The following ZBTB2 variants were observed in gnomAD, a reference collection of about 807,000 sequenced individuals.
ZBTB2 encodes the protein zinc finger and BTB domain containing 2.
Under a neutral mutation model 39.5 loss-of-function variants are expected in ZBTB2, and 2 were observed. The ratio of observed to expected loss-of-function variants is 0.05; its 90% CI spans 0.02 to 0.16. ZBTB2 has a LOEUF of 0.16. Ranked by LOEUF, ZBTB2 falls within the 10% of genes least tolerant of loss-of-function variation. The pLI, the probability that ZBTB2 is intolerant of heterozygous loss-of-function variation, is 1.00. For synonymous variants in ZBTB2, 251 were observed against 256.6 expected (o/e 0.98, Z 0.21); for missense variants, 391 against 653.0 (o/e 0.60, Z 4.37).
intron 2 of ZBTB2, among the ~76,000 whole-genome samples, chr6:151,367,194 C>T (rs984787567): frequency 2.0e-5 from 3 of 151,724 alleles, no homozygotes; most frequent in Non-Finnish European, 4.4e-5. Flanking sequence ...AATCTCGGCT[C>T]ACTGCAAGCT....
chr6:151,381,108 A>G (rs1349034125), intron 1 of ZBTB2, among the ~76,000 whole-genome samples: 1 of 151,864 alleles, frequency 6.6e-6, no homozygotes, highest in Non-Finnish European at 1.5e-5. Flanking sequence ...CTCCTGCCAC[A>G]CCTTTAGCCT....
At chr6:151,390,423 G>T (rs1200655271) in intron 1 of ZBTB2, among the ~76,000 whole-genome samples, 2 of 150,046 alleles carry the variant, frequency 1.3e-5, no homozygotes, top group Admixed American at 1.3e-4. Context: ...CACGCTCGCC[G>T]CTTCCCTCAG....
chr6:151,383,780 CAT>C (rs1779093445), intron 1 of ZBTB2, among the ~76,000 whole-genome samples: 1 of 152,136 alleles, frequency 6.6e-6, no homozygotes, highest in African/African-American at 2.4e-5. Flanking sequence ...CACACACACA[CAT>C]ACCCCTGCCC....
chr6:151,375,303 T>C (rs1208469508), intron 1 of ZBTB2, among the ~76,000 whole-genome samples: 4 of 152,142 alleles, frequency 2.6e-5, no homozygotes, highest in Admixed American at 6.5e-5. Flanking sequence ...GGTGTAAATC[T>C]AACAAAACAT....
intron 1 of ZBTB2, among the ~76,000 whole-genome samples, chr6:151,384,182 A>G (rs1779101899): frequency 6.6e-6 from 1 of 152,232 alleles, no homozygotes; most frequent in African/African-American, 2.4e-5. Context: ...ATAGTGCTTT[A>G]TAATTCACAA....
At chr6:151,371,950 A>G (rs568504429) in intron 2 of ZBTB2, among the ~76,000 whole-genome samples, 4 of 152,354 alleles carry the variant, frequency 2.6e-5, no homozygotes, top group African/African-American at 9.6e-5. Flanking sequence ...GGCCTAATTC[A>G]GTACATCCTC....
At chr6:151,389,769 T>C (rs939999358) in intron 1 of ZBTB2, among the ~76,000 whole-genome samples, 1 of 151,746 alleles carries the variant, frequency 6.6e-6, no homozygotes, top group African/African-American at 2.4e-5. Flanking sequence ...CGTATTCGGG[T>C]GGAAGTTCCT....
At chr6:151,388,667 A>G (rs1361757476) in intron 1 of ZBTB2, among the ~76,000 whole-genome samples, 1 of 152,204 alleles carries the variant, frequency 6.6e-6, no homozygotes, top group Non-Finnish European at 1.5e-5. Flanking sequence ...TTCCCTGGCC[A>G]TGAACACATT....
intron 1 of ZBTB2, among the ~76,000 whole-genome samples, chr6:151,390,338 C>CGGCCCCGCCCCCTCCCT (rs1343436258): frequency 4.8e-4 from 58 of 121,092 alleles, no homozygotes; most frequent in Non-Finnish European, 8.6e-4. Flanking sequence ...CCGGTCTCGC[C>CGGCCCCGCCCCCTCCCT]GGCCCCGCCC....
chr6:151,365,622 G>T lies in ZBTB2; in HGVS notation c.1444C>A (p.Arg482=). ...NSDVFALDEG[R]SILLGSGDSE... is the part of the protein sequence containing the mutation. ...TCCCCACTGCCCAGGAGAATGGATCGCCCTTCGTCTAGGGCAAAAACATCC... is the reference window on the plus strand; with the variant it reads ...TCCCCACTGCCCAGGAGAATGGATCTCCCTTCGTCTAGGGCAAAAACATCC... Residue 482 remains arginine, a synonymous_variant, in exon 3 of 3, where the codon CGA becomes AGA. Transcript: ENST00000325144. The surrounding 1 kb of genome is among the most constrained non-coding windows in gnomAD (Gnocchi z 5.6). The T allele has an allele frequency of 1.2e-6, 2 of 1,614,200 alleles. No individual in the cohort carries two copies. The highest frequency in any genetic ancestry group is 1.1e-5 in the South Asian group (1 of 91,080).
At chr6:151,389,894 T>A (rs1355536267) in intron 1 of ZBTB2, among the ~76,000 whole-genome samples, 3 of 152,110 alleles carry the variant, frequency 2.0e-5, no homozygotes, top group Non-Finnish European at 4.4e-5. Context: ...CCCAGCTTCC[T>A]TTGCAGCTTC....
At chr6:151,368,793 TTGCTCTGCTGCCCAGGCTGGAG>T (rs1778712135) in intron 2 of ZBTB2, among the ~76,000 whole-genome samples, 1 of 148,982 alleles carries the variant, frequency 6.7e-6, no homozygotes, top group Non-Finnish European at 1.5e-5. Context: ...AGACGAAGTC[TTGCTCTGCTGCCCAGGCTGGAG>T]TGCAGTGGCA....
Position 151,365,410 on chromosome 6 carries a change from G to C in ZBTB2, c.*111C>G. The C allele has an allele frequency of 7.8e-7, 1 of 1,284,172 alleles. No homozygotes were observed. Among genetic ancestry groups the C allele is most frequent in the Non-Finnish European group, 1.1e-6 (1 of 929,082 alleles). 79.5% of individuals were successfully genotyped at this position (1,284,172 alleles called of 1,614,324 possible). ...TGTGGAAAAGGGGAAGAGGAGAAGA[G>C]AACAAGGACCTGTTTGTATCATGCC... On this transcript the variant is annotated 3_prime_UTR_variant, in exon 3 of 3. Coordinates refer to ENST00000325144, the MANE Select transcript of ZBTB2 (RefSeq NM_020861.3). This position sits in a 1 kb window ranked among gnomAD's most constrained non-coding sequence, Gnocchi z 5.6.
rs1184502571 is a variant in ZBTB2, at chr6:151,366,343, T to A, written c.723A>T (p.Pro241=). 6.2e-7 allele frequency: 1 copy of A among 1,614,102 alleles called. No homozygotes were observed. The highest frequency in any genetic ancestry group is 1.1e-5 in the South Asian group (1 of 91,076). ...PASLTIAHVK[P]SIMKRNGSFP... ...AGCTCCCATTCCTCTTCATGATGCTTGGCTTGACGTGGGCTATTGTGAGGG... is the reference window on the plus strand; with the variant it reads ...AGCTCCCATTCCTCTTCATGATGCTAGGCTTGACGTGGGCTATTGTGAGGG... The change falls in exon 3 of 3, where the codon CCA becomes CCT. Residue 241 remains proline, a synonymous_variant. Coordinates refer to ENST00000325144, the MANE Select transcript of ZBTB2 (RefSeq NM_020861.3). The surrounding 1 kb of genome is among the most constrained non-coding windows in gnomAD (Gnocchi z 7.1).
chr6:151,390,361 C>T (rs901289626), intron 1 of ZBTB2, among the ~76,000 whole-genome samples: 1 of 149,896 alleles, frequency 6.7e-6, no homozygotes, highest in African/African-American at 2.4e-5. Flanking sequence ...TCCCTGTCCC[C>T]GTCCCCGAGG....
chr6:151,376,994 A>G (rs1391844888), intron 1 of ZBTB2, among the ~76,000 whole-genome samples: 3 of 152,216 alleles, frequency 2.0e-5, no homozygotes, highest in Non-Finnish European at 4.4e-5. Context: ...CACACAGAGG[A>G]AAACTACTCA....
rs1397840079 is a variant in ZBTB2, at chr6:151,368,451, TTTG to T, written c.174-1562_174-1560del. On this transcript the variant is annotated intron_variant, in intron 2 of 2. Transcript: ENST00000325144. ...GGTGTGAGCCACCGCGCCTGGCAAC[TTTG>T]TTGTTTTTTGTTTTGTTTTGAGACA... Among the ~76,000 whole-genome samples the T allele has an allele frequency of 7.3e-5, 11 of 150,020 alleles. No homozygotes were observed. In the Middle Eastern group the frequency reaches 0.01, roughly 142 times the overall value.
At position 151,365,866 on chromosome 6, in the gene ZBTB2, G is replaced by A; in HGVS notation, c.1200C>T (p.Cys400=). The part of the protein sequence containing the change: ...FKCSTCDKSF[C]RANQAARHVC... ...CGTGGCGGGCAGCCTGGTTGGCCCTGCAAAAGCTTTTGTCACAAGTGCTGC... is the reference window on the plus strand; with the variant it reads ...CGTGGCGGGCAGCCTGGTTGGCCCTACAAAAGCTTTTGTCACAAGTGCTGC... The change falls in exon 3 of 3, where the codon TGC becomes TGT. Residue 400 remains cysteine, a synonymous_variant. Transcript: ENST00000325144. This position sits in a 1 kb window ranked among gnomAD's most constrained non-coding sequence, Gnocchi z 5.6. The A allele has an allele frequency of 6.2e-7, 1 of 1,614,218 alleles. No individual in the cohort carries two copies. Among genetic ancestry groups the A allele is most frequent in the Non-Finnish European group, 8.5e-7 (1 of 1,180,034 alleles).
At chr6:151,367,096 T>C (rs1391714119) in intron 2 of ZBTB2, among the ~76,000 whole-genome samples, 1 of 152,116 alleles carries the variant, frequency 6.6e-6, no homozygotes, top group Non-Finnish European at 1.5e-5. Flanking sequence ...CACAGATTCT[T>C]AGAGCAGTTT....
Sources: allele counts gnomAD v4.1 joint callset (sites outside exome capture counted in the v4.1 genomes callset), GRCh38; gene constraint gnomAD v4.1.1; non-coding constraint Gnocchi (gnomAD v3.1); transcripts MANE v1.5; gene names NCBI Gene and HGNC (gene_info 2026-07-23, HGNC 2026-07-21).